Variants in WDFY3 observed in about 807,000 individuals in gnomAD.
WDFY3 encodes the protein WD repeat and FYVE domain-containing protein 3.
WDFY3 carries 66 observed loss-of-function variants against 409.6 expected under a neutral mutation model. The observed-to-expected ratio is 0.16, with a 90% CI of 0.13 to 0.20. The LOEUF (loss-of-function observed/expected upper bound fraction) is 0.20. Ranked by LOEUF, WDFY3 falls within the 10% of genes least tolerant of loss-of-function variation. The pLI is 1.00. For missense variants in WDFY3, 3,031 were observed against 4,298.1 expected (o/e 0.71, Z 8.24); for synonymous variants, 1,521 against 1,537.1 (o/e 0.99, Z 0.25).
chr4:84,839,477 C>T (rs1757033368), intron 6 of WDFY3, among the ~76,000 whole-genome samples: 1 of 151,912 alleles, frequency 6.6e-6, no homozygotes, highest in South Asian at 2.1e-4. Context: ...TGTGCAGTAT[C>T]CTGAGATGCA....
At chr4:84,844,618 T>C in intron 5 of WDFY3, 1 of 901,090 alleles carries the variant, frequency 1.1e-6, no homozygotes, top group South Asian at 1.5e-5. Context: ...ATTGCTGGAT[T>C]GCTGCCCATA....
chr4:84,966,025 G>A (rs1561184815), intron 1 of WDFY3, among the ~76,000 whole-genome samples, 184 bp downstream of exon 1: 1 of 151,924 alleles, frequency 6.6e-6, no homozygotes, highest in African/African-American at 2.4e-5. Context: ...GGCGGCTCCC[G>A]GCCAAGGCGG....
At chr4:84,730,352 A>G (rs1454503909) in intron 44 of WDFY3, among the ~76,000 whole-genome samples, 3 of 152,226 alleles carry the variant, frequency 2.0e-5, no homozygotes, top group South Asian at 4.1e-4. Context: ...CTGGCAGTTC[A>G]TTCACTCAAT....
chr4:84,864,036 T>C (rs1203142603), intron 3 of WDFY3, among the ~76,000 whole-genome samples: 3 of 152,186 alleles, frequency 2.0e-5, no homozygotes, highest in South Asian at 2.1e-4. Context: ...TGTGGTTCCA[T>C]ATGAATTTTA....
In WDFY3 at chr4:84,850,926, C is replaced by CTTTTTTTTTTTTTTTTTTTTTTTTTTTT. The variant is rs781440189; in HGVS notation, c.181-902_181-901insAAAAAAAAAAAAAAAAAAAAAAAAAAAA. On this transcript the variant is annotated intron_variant, in intron 4 of 67. Coordinates refer to ENST00000295888, the MANE Select transcript of WDFY3 (RefSeq NM_014991.6). ...AATTCTTATTTTTAATTTTATTTAT[C>CTTTTTTTTTTTTTTTTTTTTTTTTTTTT]TGTTTTTTTTTTTTTTTTTTTTTTT... Among the ~76,000 whole-genome samples, 33 of 32,156 alleles carry CTTTTTTTTTTTTTTTTTTTTTTTTTTTT rather than the reference C, an allele frequency of 1.0e-3. 4 individuals carry two copies. The highest frequency in any genetic ancestry group is 2.8e-3 in the South Asian group (2 of 722). 21.1% of individuals were successfully genotyped at this position (32,156 alleles called of 152,430 possible).
intron 5 of WDFY3, among the ~76,000 whole-genome samples, chr4:84,843,372 T>A (rs1448476971): frequency 1.3e-5 from 2 of 152,186 alleles, no homozygotes; most frequent in Non-Finnish European, 2.9e-5. Context: ...ATATGTGTCA[T>A]TAAGAATATT....
intron 43 of WDFY3, among the ~76,000 whole-genome samples, chr4:84,734,101 GA>G (rs1737044351): frequency 6.6e-6 from 1 of 152,082 alleles, no homozygotes; most frequent in South Asian, 2.1e-4. Flanking sequence ...TTTAGATGAA[GA>G]ATATAAACAT....
chr4:84,907,361 T>A (rs1047080704), intron 2 of WDFY3, among the ~76,000 whole-genome samples: 3 of 152,278 alleles, frequency 2.0e-5, no homozygotes, highest in East Asian at 1.9e-4. Context: ...CTCAGATTAC[T>A]TGCCCTGAAG....
chr4:84,906,903 T>C (rs981354184), intron 2 of WDFY3, among the ~76,000 whole-genome samples: 1 of 152,122 alleles, frequency 6.6e-6, no homozygotes, highest in African/African-American at 2.4e-5. Context: ...AAATCATTTC[T>C]AGATTACTTA....
intron 4 of WDFY3, among the ~76,000 whole-genome samples, chr4:84,859,733 G>A (rs975078046): frequency 6.6e-6 from 1 of 152,088 alleles, no homozygotes; most frequent in African/African-American, 2.4e-5. Flanking sequence ...GTGCCACCAC[G>A]CCTGGCTGAT....
At chr4:84,873,977 C>G (rs1461741571) in intron 3 of WDFY3, among the ~76,000 whole-genome samples, 1 of 151,650 alleles carries the variant, frequency 6.6e-6, no homozygotes, top group South Asian at 2.1e-4. Context: ...GATGGAGTTT[C>G]GCCATGTTGC....
intron 27 of WDFY3, 87 bp downstream of exon 27, chr4:84,778,416 C>T (rs946583510): frequency 1.6e-6 from 2 of 1,243,550 alleles, no homozygotes; most frequent in Non-Finnish European, 2.1e-6. Context: ...GCTTTAAACA[C>T]ATTTTAGAGA....
At chr4:84,755,431 C>T in intron 33 of WDFY3, 31 bp from the exon 34 acceptor site, 1 of 1,576,930 alleles carries the variant, frequency 6.3e-7, no homozygotes, top group Non-Finnish European at 8.6e-7. Context: ...AAATATTAGC[C>T]ACCACTAATT....
intron 3 of WDFY3, among the ~76,000 whole-genome samples, chr4:84,867,898 C>T (rs1469532507): frequency 2.6e-5 from 4 of 152,042 alleles, no homozygotes; most frequent in African/African-American, 9.7e-5. Context: ...CTGCCGGGCG[C>T]AGTGGCTCAC....
intron 2 of WDFY3, among the ~76,000 whole-genome samples, chr4:84,928,775 G>A (rs1402331212): frequency 1.3e-5 from 2 of 152,106 alleles, no homozygotes; most frequent in African/African-American, 4.8e-5. Flanking sequence ...TTTTTTTAGG[G>A]AAATGAGATT....
At chr4:84,726,994 G>A (rs1306469079) in intron 44 of WDFY3, 83 bp from the exon 45 acceptor site, 2 of 1,257,616 alleles carry the variant, frequency 1.6e-6, no homozygotes, top group Non-Finnish European at 2.2e-6. Flanking sequence ...CTTGAGGATT[G>A]TATGAAATAT....
At chr4:84,800,649 T>G (rs568480025) in intron 17 of WDFY3, among the ~76,000 whole-genome samples, 1 of 152,296 alleles carries the variant, frequency 6.6e-6, no homozygotes, top group South Asian at 2.1e-4. Context: ...GTACCCAACC[T>G]TTTTGGCATC....
rs191158911 is a variant in WDFY3, at chr4:84,941,628, C to T, written c.-225-9265G>A. 6.6e-4 allele frequency among the ~76,000 whole-genome samples: 100 copies of T among 152,144 alleles called. No individual in the cohort carries two copies. The Middle Eastern group carries it at 0.014, about 21-fold the overall frequency. Reference sequence around the variant, plus strand: ...CCCATATTTACCTATAGATTCAATGCAATCCCAATCAAAATTAGAGTAGAC... The same window carrying T: ...CCCATATTTACCTATAGATTCAATGTAATCCCAATCAAAATTAGAGTAGAC... On this transcript the variant is annotated intron_variant, in intron 1 of 67. Coordinates refer to ENST00000295888, the MANE Select transcript of WDFY3 (RefSeq NM_014991.6).
intron 58 of WDFY3, among the ~76,000 whole-genome samples, chr4:84,695,565 G>T (rs1009377068): frequency 4.7e-5 from 7 of 148,348 alleles, no homozygotes; most frequent in Non-Finnish European, 1.0e-4. Context: ...CACGCATAGA[G>T]TAGTTTATTC....
Sources: allele counts gnomAD v4.1 joint callset (sites outside exome capture counted in the v4.1 genomes callset), GRCh38; gene constraint gnomAD v4.1.1; transcripts MANE v1.5; gene names NCBI Gene and HGNC (gene_info 2026-07-23, HGNC 2026-07-21).